HSD17B12: variants seen among roughly 807,000 people sequenced by gnomAD.
HSD17B12 encodes very-long-chain 3-oxoacyl-CoA reductase.
A neutral mutation model predicts 39.3 loss-of-function variants in HSD17B12; 32 were observed. The ratio of observed to expected loss-of-function variants is 0.81; its 90% CI spans 0.61 to 1.09. HSD17B12 has a LOEUF of 1.09. Ranked by LOEUF, HSD17B12 falls within the 50% of genes least tolerant of loss-of-function variation. The probability of loss-of-function intolerance (pLI) is 0.00; values close to 1 mark genes in which losing one functional copy is unlikely to be tolerated. For synonymous variants in HSD17B12, 150 were observed against 146.7 expected, an observed-to-expected ratio of 1.02 and a Z score of -0.16; for missense variants, 342 against 382.9, an observed-to-expected ratio of 0.89 and a Z score of 0.89.
chr11:43,777,206 A>G (rs1042215981), intron 3 of HSD17B12, among the ~76,000 whole-genome samples: 1 of 152,132 alleles, frequency 6.6e-6, no homozygotes, highest in Admixed American at 6.6e-5. Context: ...CAGTATGGCC[A>G]TTTTCACGAT....
At chr11:43,665,055 C>G in the HSD17B12 span, among the ~76,000 whole-genome samples, 1 of 152,110 alleles carries the variant, frequency 6.6e-6, no homozygotes, top group African/African-American at 2.4e-5. Context: ...TCATTCATAT[C>G]CTTCTTAAAC....
intron 3 of HSD17B12, among the ~76,000 whole-genome samples, chr11:43,786,265 A>G (rs568348933): frequency 1.1e-4 from 16 of 152,350 alleles, no homozygotes; most frequent in Non-Finnish European, 1.2e-4. Flanking sequence ...TGCTTCATGC[A>G]TACTTTCCAT....
chr11:43,751,287 CA>C (rs1384917089), intron 2 of HSD17B12, among the ~76,000 whole-genome samples: 1 of 151,976 alleles, frequency 6.6e-6, no homozygotes, highest in Non-Finnish European at 1.5e-5. Flanking sequence ...AACTATTTTC[CA>C]AAAAATGAAA....
chr11:43,769,562 AC>A (rs1460031334), intron 3 of HSD17B12, among the ~76,000 whole-genome samples: 1 of 152,036 alleles, frequency 6.6e-6, no homozygotes, highest in Non-Finnish European at 1.5e-5. Flanking sequence ...CTAACTGTTC[AC>A]CCCCTTCCAG....
At chr11:43,737,458 G>T (rs541279633) in intron 1 of HSD17B12, among the ~76,000 whole-genome samples, 1 of 152,208 alleles carries the variant, frequency 6.6e-6, no homozygotes, top group African/African-American at 2.4e-5. Context: ...TGGATGCCAA[G>T]TTGGGCTATT....
intron 3 of HSD17B12, among the ~76,000 whole-genome samples, chr11:43,776,549 G>A (rs1950706382): frequency 6.6e-6 from 1 of 152,126 alleles, no homozygotes; most frequent in African/African-American, 2.4e-5. Context: ...CTCCCGTTTT[G>A]TAGGTTGCCT....
intron 1 of HSD17B12, among the ~76,000 whole-genome samples, chr11:43,704,152 A>G (rs1300447697): frequency 1.3e-5 from 2 of 152,216 alleles, no homozygotes; most frequent in Non-Finnish European, 2.9e-5. Context: ...TATTTGCATT[A>G]GATTTCATTT....
At chr11:43,787,074 T>G (rs757582623) in intron 3 of HSD17B12, among the ~76,000 whole-genome samples, 1 of 152,124 alleles carries the variant, frequency 6.6e-6, no homozygotes, top group Non-Finnish European at 1.5e-5. Context: ...CCAGAATAGC[T>G]GGGATTACAG....
At chr11:43,599,312 C>T in the HSD17B12 span, among the ~76,000 whole-genome samples, 5 of 152,172 alleles carry the variant, frequency 3.3e-5, no homozygotes, top group Non-Finnish European at 7.3e-5. Context: ...TCACCATAGC[C>T]TATGCGACCC....
the HSD17B12 span, among the ~76,000 whole-genome samples, chr11:43,671,569 A>G: frequency 6.6e-6 from 1 of 152,216 alleles, no homozygotes; most frequent in Admixed American, 6.5e-5. Context: ...TGATGGAACA[A>G]TTATTAGATC....
chr11:43,664,266 C>G, the HSD17B12 span, among the ~76,000 whole-genome samples: 1 of 152,174 alleles, frequency 6.6e-6, no homozygotes, highest in Non-Finnish European at 1.5e-5. Flanking sequence ...CAGAGGCTTA[C>G]AGACCATATG....
the HSD17B12 span, chr11:43,581,473 T>G: frequency 2.0e-6 from 1 of 509,838 alleles, no homozygotes; most frequent in Non-Finnish European, 4.1e-6. The surrounding 1 kb of genome is among the most constrained non-coding windows in gnomAD (Gnocchi z 4.9). Flanking sequence ...AAAAAGCATT[T>G]GCGGAGGGCG....
chr11:43,682,427 T>G (rs1463162426), intron 1 of HSD17B12, among the ~76,000 whole-genome samples: 1 of 151,708 alleles, frequency 6.6e-6, no homozygotes, highest in Non-Finnish European at 1.5e-5. Flanking sequence ...GGCGCGCCCC[T>G]GTAGTCCCAG....
intron 1 of HSD17B12, among the ~76,000 whole-genome samples, chr11:43,735,411 C>T: frequency 6.6e-6 from 1 of 152,106 alleles, no homozygotes; most frequent in East Asian, 1.9e-4. Flanking sequence ...CTTTAATTTC[C>T]CCACATCCTC....
At chr11:43,587,873 G>A in the HSD17B12 span, among the ~76,000 whole-genome samples, 2 of 152,328 alleles carry the variant, frequency 1.3e-5, no homozygotes, top group South Asian at 4.1e-4. Flanking sequence ...AGCTGGACAG[G>A]TCAGGGATTC....
At chr11:43,636,594 T>A in the HSD17B12 span, among the ~76,000 whole-genome samples, 87 of 152,282 alleles carry the variant, frequency 5.7e-4, no homozygotes, top group African/African-American at 2.1e-3. Context: ...GATCTATTTT[T>A]TTTTTTTGCT....
chr11:43,585,488 G>T, the HSD17B12 span, among the ~76,000 whole-genome samples: 1 of 152,192 alleles, frequency 6.6e-6, no homozygotes, highest in African/African-American at 2.4e-5. Flanking sequence ...AGCACATTAC[G>T]TGGAAGATCT....
chr11:43,712,246 G>T (rs555118805), intron 1 of HSD17B12, among the ~76,000 whole-genome samples: 58 of 152,206 alleles, frequency 3.8e-4, no homozygotes, highest in Admixed American at 1.6e-3. Context: ...GGCCAACATG[G>T]TGAAACCCCG....
the HSD17B12 span, among the ~76,000 whole-genome samples, chr11:43,669,066 C>T: frequency 1.3e-5 from 2 of 151,648 alleles, no homozygotes; most frequent in Non-Finnish European, 2.9e-5. Context: ...GAACCACAAC[C>T]AGAGTCAATG....
Sources: gnomAD v4.1 joint callset for allele counts (sites outside exome capture counted in the v4.1 genomes callset) on GRCh38, gnomAD v4.1.1 for gene constraint, Gnocchi (gnomAD v3.1) non-coding constraint, MANE v1.5 for transcripts, NCBI Gene and HGNC (gene_info 2026-07-23, HGNC 2026-07-21) for gene names.